DNAH11: variants seen among roughly 807,000 people sequenced by gnomAD.
DNAH11 encodes axonemal beta dynein heavy chain 11.
Under a neutral mutation model 526.0 loss-of-function variants are expected in DNAH11, and 442 were observed. The ratio of observed to expected loss-of-function variants is 0.84; its 90% confidence interval spans 0.78 to 0.91. The LOEUF is 0.91. Among genes scored for constraint, DNAH11 ranks in the 40% least tolerant of loss-of-function variants. The probability of loss-of-function intolerance (pLI) is 0.00; values close to 1 mark genes in which losing one functional copy is unlikely to be tolerated. For synonymous variants in DNAH11, 2,461 were observed against 1,935.9 expected (o/e 1.27, Z -7.12); for missense variants, 6,989 against 5,448.7 (o/e 1.28, Z -8.90).
At chr7:21,696,212 C>A (rs55755391) in intron 35 of DNAH11, among the ~76,000 whole-genome samples, 19,481 of 151,990 alleles carry the variant, frequency 0.13, 1,519 homozygotes, top group East Asian at 0.41. Context: ...CCGTTCTTTC[C>A]AACTTAAAGT....
chr7:21,575,511 A>G (rs59494306), intron 8 of DNAH11, among the ~76,000 whole-genome samples: 7,801 of 152,244 alleles, frequency 0.051, 670 homozygotes, highest in African/African-American at 0.17. Context: ...GTGTTTTCTC[A>G]TTTTAATTAA....
intron 5 of DNAH11, 83 bp from the exon 6 acceptor site, chr7:21,564,103 G>A: frequency 1.0e-6 from 1 of 974,788 alleles, no homozygotes; most frequent in Non-Finnish European, 1.5e-6. Context: ...TGTTTTACGT[G>A]GCTCTCTTCT....
Position 21,545,113 on chromosome 7 carries a change from G to A in DNAH11, c.459G>A (p.Ala153=), listed in dbSNP as rs770376516. Residue 153 remains alanine, a synonymous_variant, in exon 2 of 82, where the codon GCG becomes GCA. Coordinates refer to ENST00000409508, the MANE Select transcript of DNAH11 (RefSeq NM_001277115.2). The stretch of plus-strand genomic sequence containing the variant: ...TGGTTTTATTTGGAGAGTTACCTGC[G>A]TTGTCTCTTGGACATGTATCTGCTT... ...SQVVLFGELP[A]LSLGHVSAFL... 15 of 1,610,404 alleles carry A rather than the reference G, an allele frequency of 9.3e-6. No individual in the cohort carries two copies. In the Admixed American group the frequency reaches 1.5e-4, roughly 16 times the overall value.
chr7:21,676,406 A>T (rs758360015), intron 30 of DNAH11, among the ~76,000 whole-genome samples: 1 of 152,188 alleles, frequency 6.6e-6, no homozygotes, highest in Non-Finnish European at 1.5e-5. Flanking sequence ...ACTTATATAC[A>T]AGTACAGTAC....
intron 28 of DNAH11, among the ~76,000 whole-genome samples, chr7:21,654,204 T>A (rs1186916055): frequency 4.6e-5 from 7 of 152,136 alleles, no homozygotes; most frequent in African/African-American, 1.7e-4. Context: ...AAGCCGAAAG[T>A]AAAACCCCCT....
chr7:21,763,060 A>G (rs2128497258), intron 54 of DNAH11, among the ~76,000 whole-genome samples: 1 of 152,234 alleles, frequency 6.6e-6, no homozygotes, highest in South Asian at 2.1e-4. Flanking sequence ...GAAGACATAC[A>G]AGGCCAGGTG....
At chr7:21,817,892 C>T (rs1235494167) in intron 64 of DNAH11, among the ~76,000 whole-genome samples, 2 of 152,022 alleles carry the variant, frequency 1.3e-5, no homozygotes, top group Non-Finnish European at 2.9e-5. Flanking sequence ...AAAAAAGAGC[C>T]ATCAAATGAA....
chr7:21,559,771 T>G lies in DNAH11; in HGVS notation c.861T>G (p.Asn287Lys), dbSNP rs748907119. ...ATTTCTGGATGATGAGGAGAGAAAA[T>G]CTGTCATGCATTTATGATCAAGTAA... ...ELDFWMMRRE[N>K]LSCIYDQLQA... Residue 287 changes from asparagine (N) to lysine (K), a missense_variant, in exon 4 of 82, where the codon AAT (asparagine) becomes AAG (lysine). Physicochemically the swap from Asn to Lys is moderately conservative, Grantham distance 94 (BLOSUM62 0). Transcript: ENST00000409508. The G allele has an allele frequency of 1.2e-6, 2 of 1,602,044 alleles. No individual in the cohort carries two copies. The highest frequency in any genetic ancestry group is 1.7e-6 in the Non-Finnish European group (2 of 1,173,450).
chr7:21,658,698 C>T, intron 29 of DNAH11, 100 bp from the exon 30 acceptor site: 1 of 931,612 alleles, frequency 1.1e-6, no homozygotes, highest in Non-Finnish European at 1.5e-6. Context: ...ATGAATCCAC[C>T]TGGGGCATTA....
At chr7:21,592,058 GA>G (rs906876628) in intron 14 of DNAH11, among the ~76,000 whole-genome samples, 119 of 151,026 alleles carry the variant, frequency 7.9e-4, no homozygotes, top group Admixed American at 2.0e-3. Context: ...AGAGAAAACA[GA>G]AAAAAAACAC....
intron 25 of DNAH11, among the ~76,000 whole-genome samples, chr7:21,626,331 T>C (rs181947795): frequency 5.8e-4 from 88 of 152,318 alleles, no homozygotes; most frequent in Non-Finnish European, 2.1e-4. Context: ...TTCTATTGTA[T>C]GTATATGCCA....
chr7:21,590,646 T>A (rs1784637520), intron 12 of DNAH11, among the ~76,000 whole-genome samples: 1 of 152,220 alleles, frequency 6.6e-6, no homozygotes, highest in South Asian at 2.1e-4. Flanking sequence ...TATGACATAG[T>A]TAACTGAGGA....
At chr7:21,703,764 A>C (rs990055643) in intron 37 of DNAH11, 2 of 152,018 alleles carry the variant, frequency 1.3e-5, no homozygotes, top group Admixed American at 1.3e-4. Context: ...CAACAACAAC[A>C]AAAAACCCAA....
intron 72 of DNAH11, among the ~76,000 whole-genome samples, chr7:21,868,656 A>G (rs1320618651): frequency 1.3e-5 from 2 of 152,228 alleles, no homozygotes; most frequent in Non-Finnish European, 2.9e-5. Context: ...ACTGGCTTCC[A>G]CGGCTTTTCT....
chr7:21,590,921 G>A lies in DNAH11; in HGVS notation c.2173G>A (p.Val725Met), dbSNP rs1187326922. 4 of 1,442,686 alleles carry A rather than the reference G, an allele frequency of 2.8e-6. No individual in the cohort carries two copies. The highest frequency in any genetic ancestry group is 1.7e-5 in the South Asian group (1 of 59,666). The allele number at this position is 1,442,686 out of a possible 1,614,324, so 89.4% of individuals were successfully genotyped here. A position where few individuals can be genotyped will look rare whatever the true frequency, so the allele number is the denominator to read the frequency against. ...TTTAATAATTGTATTTTAATAGCTA[G>A]TGGCTGTATTGAGAGAAGTGAAATA... ...LLCVNFDPKL[V>M]AVLREVKYLL... Residue 725 changes from valine to methionine, a missense_variant, in exon 13 of 82, where the codon GTG becomes ATG. By Grantham distance (21) the Val-to-Met change is conservative (BLOSUM62 1). Coordinates refer to ENST00000409508, the MANE Select transcript of DNAH11 (RefSeq NM_001277115.2).
At chr7:21,717,567 A>G (rs1784713823) in intron 42 of DNAH11, among the ~76,000 whole-genome samples, 1 of 152,094 alleles carries the variant, frequency 6.6e-6, no homozygotes, top group Non-Finnish European at 1.5e-5. Context: ...TTTCTTTTAC[A>G]GTCTTTTCAT....
At chr7:21,572,219 C>T (rs1345793950) in intron 8 of DNAH11, among the ~76,000 whole-genome samples, 1 of 152,098 alleles carries the variant, frequency 6.6e-6, no homozygotes, top group East Asian at 1.9e-4. Context: ...GGATTTGTAT[C>T]TTGTTTGTGT....
intron 65 of DNAH11, among the ~76,000 whole-genome samples, chr7:21,822,478 C>G (rs1448129285): frequency 6.6e-6 from 1 of 152,182 alleles, no homozygotes; most frequent in Non-Finnish European, 1.5e-5. Context: ...GGTCACATTT[C>G]AACATGAGAT....
rs749125298 is a variant in DNAH11, at chr7:21,564,275, C to G, written c.1072C>G (p.Arg358Gly). ...CCAGGAGACGGAATTCCCACAGACA[C>G]GCATATTAATCGCTCCATTATTTCA... Reference protein sequence around the residue: ...CLQETEFPQTRILIAPLFHTI... With the variant: ...CLQETEFPQTGILIAPLFHTI... Residue 358 changes from arginine to glycine, a missense_variant, in exon 6 of 82, where the codon CGC (arginine) becomes GGC (glycine). By Grantham distance (125) the Arg-to-Gly change is moderately radical (BLOSUM62 -2). Coordinates refer to ENST00000409508, the MANE Select transcript of DNAH11 (RefSeq NM_001277115.2). 4.8e-5 allele frequency: 78 copies of G among 1,613,472 alleles called. 2 individuals carry two copies. The Admixed American group carries it at 1.2e-3, about 25-fold the overall frequency.
Sources: gnomAD v4.1 joint callset for allele counts (sites outside exome capture counted in the v4.1 genomes callset) on GRCh38, gnomAD v4.1.1 for gene constraint, MANE v1.5 for transcripts, NCBI Gene and HGNC (gene_info 2026-07-23, HGNC 2026-07-21) for gene names.